The following NTRK2 variants were observed in gnomAD, a reference collection of about 807,000 sequenced individuals.
NTRK2 encodes the protein neurotrophic receptor tyrosine kinase 2, also known as BDNF/NT-3 growth factors receptor.
A neutral mutation model predicts 94.5 loss-of-function variants in NTRK2; 13 were observed. The observed-to-expected ratio is 0.14, with a 90% confidence interval of 0.09 to 0.22. NTRK2 has a LOEUF of 0.22. NTRK2 is among the 10% of genes least tolerant of loss of function. The pLI is 1.00. For missense variants in NTRK2, 639 were observed against 1,071.2 expected (o/e 0.60, Z 5.63); for synonymous variants, 372 against 407.4 (o/e 0.91, Z 1.05).
chr9:84,913,594 A>G (rs2077308335), intron 14 of NTRK2, among the ~76,000 whole-genome samples: 1 of 152,156 alleles, frequency 6.6e-6, no homozygotes. Flanking sequence ...CATCACTTGA[A>G]TAAGGTGTGG....
chr9:84,726,314 C>G (rs920596726), intron 8 of NTRK2, among the ~76,000 whole-genome samples: 1 of 152,098 alleles, frequency 6.6e-6, no homozygotes, highest in Non-Finnish European at 1.5e-5. Flanking sequence ...TGATGAAACC[C>G]CGTCTCTACT....
chr9:84,995,628 G>C (rs1829665161), intron 17 of NTRK2, among the ~76,000 whole-genome samples: 1 of 152,164 alleles, frequency 6.6e-6, no homozygotes, highest in African/African-American at 2.4e-5. Flanking sequence ...CCTAGTTACT[G>C]TACCTGAGAA....
At position 84,955,301 on chromosome 9, in the gene NTRK2, C is replaced by A. The variant is rs201659643; in HGVS notation, c.1956C>A (p.Ala652=). The A allele has an allele frequency of 6.2e-7, 1 of 1,605,890 alleles. No homozygotes were observed. The highest frequency in any genetic ancestry group is 8.5e-7 in the Non-Finnish European group (1 of 1,176,042). Residue 652 remains alanine (A), a synonymous_variant, in exon 17 of 19, where the codon GCC becomes GCA. Coordinates refer to ENST00000277120, the MANE Select transcript of NTRK2 (RefSeq NM_006180.6). ...TCCCCAGGGCACACGGCCCTGATGC[C>A]GTGCTGATGGCTGAGGGCAACCCGC... The part of the protein sequence containing the change: ...NKFLRAHGPD[A]VLMAEGNPPT...
At chr9:84,771,836 T>C (rs1336762733) in intron 12 of NTRK2, among the ~76,000 whole-genome samples, 1 of 152,234 alleles carries the variant, frequency 6.6e-6, no homozygotes, top group Admixed American at 6.5e-5. Context: ...TGTTTTCCTG[T>C]TAATCTTCCC....
At chr9:84,747,358 T>C (rs1167356370) in intron 11 of NTRK2, among the ~76,000 whole-genome samples, 1 of 152,148 alleles carries the variant, frequency 6.6e-6, no homozygotes, top group Non-Finnish European at 1.5e-5. Context: ...TTAATTCTTA[T>C]ACCAATCCAC....
intron 2 of NTRK2, among the ~76,000 whole-genome samples, chr9:84,680,667 C>G (rs1487127195): frequency 1.3e-5 from 2 of 152,140 alleles, no homozygotes; most frequent in African/African-American, 2.4e-5. Context: ...GTGTGATTCC[C>G]TCCCTCTCCT....
intron 14 of NTRK2, among the ~76,000 whole-genome samples, chr9:84,907,607 G>A (rs1323935949): frequency 2.6e-5 from 4 of 151,816 alleles, no homozygotes; most frequent in African/African-American, 7.3e-5. Context: ...TTTTACACTA[G>A]CAACAAATAC....
intron 12 of NTRK2, among the ~76,000 whole-genome samples, chr9:84,786,632 C>T (rs1026619226): frequency 5.3e-5 from 8 of 151,978 alleles, no homozygotes; most frequent in South Asian, 4.2e-4. Context: ...AAAAACCCTA[C>T]GAAAAGAAAA....
At chr9:84,835,803 G>A (rs1429791177) in intron 12 of NTRK2, among the ~76,000 whole-genome samples, 1 of 152,198 alleles carries the variant, frequency 6.6e-6, no homozygotes, top group Non-Finnish European at 1.5e-5. Context: ...GCAACGTAAG[G>A]CATTTCTTTT....
chr9:84,934,912 A>G (rs2078164743), intron 15 of NTRK2, among the ~76,000 whole-genome samples: 1 of 152,218 alleles, frequency 6.6e-6, no homozygotes, highest in Non-Finnish European at 1.5e-5. Context: ...TCACGTCCTC[A>G]TAAACTCAAA....
chr9:84,702,441 T>C (rs2060790932), intron 4 of NTRK2, 22 bp downstream of exon 4: 3 of 1,602,578 alleles, frequency 1.9e-6, no homozygotes, highest in East Asian at 2.2e-5. Context: ...TTGATTCTTT[T>C]GCTTCCCAGG....
chr9:84,844,955 A>G (rs2074391275), intron 12 of NTRK2, among the ~76,000 whole-genome samples: 1 of 152,198 alleles, frequency 6.6e-6, no homozygotes, highest in Non-Finnish European at 1.5e-5. Context: ...TCAAAAAACA[A>G]TAGATGTTGG....
intron 9 of NTRK2, among the ~76,000 whole-genome samples, chr9:84,733,273 A>G (rs983243861): frequency 1.3e-5 from 2 of 152,184 alleles, no homozygotes; most frequent in African/African-American, 4.8e-5. Flanking sequence ...TACACTCTCA[A>G]GGTGAATCAG....
intron 14 of NTRK2, among the ~76,000 whole-genome samples, chr9:84,900,244 C>A (rs2076886417): frequency 6.6e-6 from 1 of 152,158 alleles, no homozygotes; most frequent in African/African-American, 2.4e-5. Context: ...TGTATCTCTT[C>A]ACTTAAAAGA....
intron 2 of NTRK2, among the ~76,000 whole-genome samples, chr9:84,675,805 C>T (rs1417667028): frequency 6.6e-6 from 1 of 152,184 alleles, no homozygotes; most frequent in African/African-American, 2.4e-5. Flanking sequence ...CTGAGCTCCA[C>T]TGTGGCCTGA....
intron 14 of NTRK2, among the ~76,000 whole-genome samples, chr9:84,924,359 C>A (rs2077685178): frequency 6.6e-6 from 1 of 152,162 alleles, no homozygotes; most frequent in Admixed American, 6.5e-5. Context: ...ATGAGGCTTT[C>A]CAGTGTTGAG....
At chr9:84,773,872 T>C (rs927620401) in intron 12 of NTRK2, among the ~76,000 whole-genome samples, 1 of 152,182 alleles carries the variant, frequency 6.6e-6, no homozygotes, top group African/African-American at 2.4e-5. Flanking sequence ...ATGCATACAA[T>C]CTCTCAACTC....
intron 12 of NTRK2, among the ~76,000 whole-genome samples, chr9:84,770,032 C>T (rs1178743261): frequency 6.6e-6 from 1 of 152,094 alleles, no homozygotes; most frequent in Non-Finnish European, 1.5e-5. Flanking sequence ...CTTTACTGGC[C>T]TTGTGTGCTC....
chr9:84,925,204 T>C (rs1244238327), intron 14 of NTRK2, among the ~76,000 whole-genome samples: 11 of 151,198 alleles, frequency 7.3e-5, no homozygotes, highest in East Asian at 1.9e-4. Context: ...TCTTCTTCTT[T>C]TTTTTTTTTT....
Sources: allele counts gnomAD v4.1 joint callset (sites outside exome capture counted in the v4.1 genomes callset), GRCh38; gene constraint gnomAD v4.1.1; transcripts MANE v1.5; gene names NCBI Gene and HGNC (gene_info 2026-07-23, HGNC 2026-07-21).